Variants in SMARCD2 observed in about 807,000 individuals in gnomAD.
SMARCD2 encodes SWI/SNF related BAF chromatin remodeling complex subunit D2, also known as SWI/SNF-related matrix-associated actin-dependent regulator of chromatin subfamily D member 2.
Under a neutral mutation model 70.4 loss-of-function variants are expected in SMARCD2, and 39 were observed. The ratio of observed to expected loss-of-function variants is 0.55; its 90% CI spans 0.43 to 0.72. SMARCD2 has a LOEUF of 0.72. SMARCD2 is among the 30% of genes least tolerant of loss of function. SMARCD2 has a pLI of 0.00. For missense variants in SMARCD2, 540 were observed against 713.4 expected (o/e 0.76, Z 2.77); for synonymous variants, 249 against 279.4 (o/e 0.89, Z 1.08).
chr17:63,833,966 A>G lies in SMARCD2; in HGVS notation c.1124T>C (p.Met375Thr), dbSNP rs2040230773. ...CGRLRFSEIP[M>T]KLAGLLQHPD... ...ATGCTGCAGCAACCCTGCCAGCTTC[A>G]TGGGAATCTCGGAGAAACGGAGTCG... Residue 375 changes from methionine (M) to threonine (T), a missense_variant, in exon 9 of 13, where the codon ATG becomes ACG. Coordinates refer to ENST00000448276, the MANE Select transcript of SMARCD2 (RefSeq NM_001098426.2). This position sits in a 1 kb window ranked among gnomAD's most constrained non-coding sequence, Gnocchi z 4.3. 5 of 1,614,012 alleles carry G rather than the reference A, an allele frequency of 3.1e-6. No individual in the cohort carries two copies. Among genetic ancestry groups the G allele is most frequent in the Non-Finnish European group, 4.2e-6 (5 of 1,179,872 alleles).
chr17:63,839,895 G>A (rs924148092), intron 1 of SMARCD2, among the ~76,000 whole-genome samples: 4 of 152,154 alleles, frequency 2.6e-5, no homozygotes, highest in Admixed American at 2.0e-4. Flanking sequence ...TTGGGAGGCC[G>A]AGGCGGGTGG....
Position 63,833,851 on chromosome 17 carries a change from C to T in SMARCD2, c.1181+58G>A. ...CCTGATGCTTTCTTTGGCTTTAGTT[C>T]AAGCCAAGGGTGAATCTGCTCTTAG... On this transcript the variant is annotated intron_variant, in intron 9 of 12. Transcript: ENST00000448276. The surrounding 1 kb of genome is among the most constrained non-coding windows in gnomAD (Gnocchi z 4.3). 1.4e-5 allele frequency: 21 copies of T among 1,542,778 alleles called. No individual in the cohort carries two copies. In the South Asian group the frequency reaches 2.4e-4, roughly 17 times the overall value.
chr17:63,832,588 GCT>G lies in SMARCD2; in HGVS notation c.*348_*349del. 2.7e-6 allele frequency: 1 copy of G among 374,254 alleles called. No homozygotes were observed. Among genetic ancestry groups the G allele is most frequent in the Non-Finnish European group, 5.0e-6 (1 of 198,234 alleles). The allele number at this position is 374,254 out of a possible 1,614,324, so 23.2% of individuals were successfully genotyped here. A position where few individuals can be genotyped will look rare whatever the true frequency, so the allele number is the denominator to read the frequency against. On this transcript the variant is annotated 3_prime_UTR_variant, in exon 13 of 13. Coordinates refer to ENST00000448276, the MANE Select transcript of SMARCD2 (RefSeq NM_001098426.2). Reference sequence around the variant, plus strand: ...TTCCTAGCCCAGCTCCCCAGAGCCAGCTCTGACCCTCGCCCCAGGGGGAGTCT... The same window carrying G: ...TTCCTAGCCCAGCTCCCCAGAGCCAGCTGACCCTCGCCCCAGGGGGAGTCT...
rs902395036 is a variant in SMARCD2 at position 63,842,538 on chromosome 17, C to G, written c.137G>C (p.Gly46Ala). Residue 46 changes from glycine (G) to alanine (A), a missense_variant, in exon 1 of 13, where the codon GGT becomes GCT. Physicochemically the swap from Gly to Ala is moderately conservative, Grantham distance 60. Transcript: ENST00000448276. ...MLPGPALRGP[G>A]PAGGVGGPGA... ...GGGGCCCCCCACGCCTCCTGCCGGACCCGGTCCCCGGAGCGCCGGTCCGGG... is the reference window on the plus strand; with the variant it reads ...GGGGCCCCCCACGCCTCCTGCCGGAGCCGGTCCCCGGAGCGCCGGTCCGGG... 3 of 1,210,090 alleles carry G rather than the reference C, an allele frequency of 2.5e-6. No individual in the cohort carries two copies. Among genetic ancestry groups the G allele is most frequent in the African/African-American group, 3.2e-5 (2 of 63,296 alleles). The allele number at this position is 1,210,090 out of a possible 1,614,324, so 75.0% of individuals were successfully genotyped here. A position where few individuals can be genotyped will look rare whatever the true frequency, so the allele number is the denominator to read the frequency against.
At chr17:63,842,324 C>G in intron 1 of SMARCD2, 135 bp downstream of exon 1, 1 of 1,178,664 alleles carries the variant, frequency 8.5e-7, no homozygotes. Flanking sequence ...GCCCGAGGGT[C>G]CCGGCCCGCC....
rs1236234255 is a variant in SMARCD2 at position 63,837,055 on chromosome 17, G to A, written c.445-11C>T. On this transcript the variant is annotated splice_polypyrimidine_tract_variant and intron_variant, in intron 3 of 12. Coordinates refer to ENST00000448276, the MANE Select transcript of SMARCD2 (RefSeq NM_001098426.2). This position sits in a 1 kb window ranked among gnomAD's most constrained non-coding sequence, Gnocchi z 6.4. ...AACAAGCTCCCGGATCTGAAGGAAG[G>A]TAGCAGAAGCTCATCAGCTTGCTTC... 1 of 1,613,142 alleles carries A rather than the reference G, an allele frequency of 6.2e-7. No individual in the cohort carries two copies. Among genetic ancestry groups the A allele is most frequent in the South Asian group, 1.1e-5 (1 of 91,084 alleles).
intron 5 of SMARCD2, chr17:63,835,078 C>A (rs2040248157): frequency 1.9e-6 from 1 of 536,954 alleles, no homozygotes; most frequent in Non-Finnish European, 3.3e-6. Context: ...GGAGCAGCGC[C>A]CCCCTCCCTA....
chr17:63,837,202 G>A lies in SMARCD2; in HGVS notation c.437C>T (p.Pro146Leu). Residue 146 changes from proline to leucine, a missense_variant, in exon 3 of 13, where the codon CCT becomes CTT. Coordinates refer to ENST00000448276, the MANE Select transcript of SMARCD2 (RefSeq NM_001098426.2). This position sits in a 1 kb window ranked among gnomAD's most constrained non-coding sequence, Gnocchi z 6.4. ...TGTCCTCTTAACACTTACTCGCTGA[G>A]GTAGAACCTTATCTGCCATCTTCCT... ...KRRKMADKVLPQRIRELVPES... is the reference protein window; with the variant it reads ...KRRKMADKVLLQRIRELVPES... 6.2e-7 allele frequency: 1 copy of A among 1,613,778 alleles called. No individual in the cohort carries two copies. The highest frequency in any genetic ancestry group is 8.5e-7 in the Non-Finnish European group (1 of 1,179,812).
intron 1 of SMARCD2, chr17:63,838,534 T>C: frequency 1.6e-6 from 2 of 1,249,442 alleles, no homozygotes; most frequent in Non-Finnish European, 2.1e-6. Context: ...GAGGCAAGGA[T>C]AGAGGCCCAG....
chr17:63,835,472 G>A lies in SMARCD2; in HGVS notation c.663C>T (p.Thr221=). 1 of 1,613,928 alleles carries A rather than the reference G, an allele frequency of 6.2e-7. No individual in the cohort carries two copies. The stretch of plus-strand genomic sequence containing the variant: ...AGGAAGCCACCTTGTCCCCTGCTGG[G>A]GTTCCCCCAGGGGTCCCTGCAGTTC... ...SAGTAGTPGG[T]PAGDKVASWE... is the part of the protein sequence containing the mutation. Residue 221 remains threonine, a synonymous_variant, in exon 5 of 13, where the codon ACC becomes ACT. Coordinates refer to ENST00000448276, the MANE Select transcript of SMARCD2 (RefSeq NM_001098426.2).
chr17:63,836,318 G>A (rs887213210), intron 4 of SMARCD2, among the ~76,000 whole-genome samples: 4 of 151,880 alleles, frequency 2.6e-5, no homozygotes, highest in African/African-American at 7.3e-5. Flanking sequence ...AGACCAGCCT[G>A]GGTAACATGG....
rs958103899 is a variant in SMARCD2 at position 63,832,134 on chromosome 17, C to T, written c.*804G>A. On this transcript the variant is annotated 3_prime_UTR_variant, in exon 13 of 13. Transcript: ENST00000448276. Reference sequence around the variant, plus strand: ...TTCCAAACCTGCCAGATGTGGCACTCGCCAAGCCCTAGGCCCACCCTCCTC... The same window carrying T: ...TTCCAAACCTGCCAGATGTGGCACTTGCCAAGCCCTAGGCCCACCCTCCTC... 9.7e-6 allele frequency: 7 copies of T among 720,650 alleles called. No homozygotes were observed. Among genetic ancestry groups the T allele is most frequent in the Admixed American group, 2.4e-5 (1 of 42,400 alleles). 44.6% of individuals were successfully genotyped at this position (720,650 alleles called of 1,614,324 possible). A position where few individuals can be genotyped will look rare whatever the true frequency, so the allele number is the denominator to read the frequency against.
intron 5 of SMARCD2, chr17:63,835,023 G>A: frequency 1.7e-6 from 1 of 582,836 alleles, no homozygotes; most frequent in Non-Finnish European, 3.0e-6. Context: ...ACTGCCATCT[G>A]CAGGAACACT....
In SMARCD2 at chr17:63,837,230, T is replaced by C. The variant is rs1326405475; in HGVS notation, c.409A>G (p.Arg137Gly). Residue 137 changes from arginine to glycine, a missense_variant, in exon 3 of 13, where the codon AGG (arginine) becomes GGG (glycine). By Grantham distance (125) the Arg-to-Gly change is moderately radical (BLOSUM62 -2). Coordinates refer to ENST00000448276, the MANE Select transcript of SMARCD2 (RefSeq NM_001098426.2). This position sits in a 1 kb window ranked among gnomAD's most constrained non-coding sequence, Gnocchi z 6.4. ...PMPAQRRGLKRRKMADKVLPQ... is the reference protein window; with the variant it reads ...PMPAQRRGLKGRKMADKVLPQ... ...AGAACCTTATCTGCCATCTTCCTCC[T>C]CTTTAACCTGGGGAGGACAGAAACC... 1 of 1,613,714 alleles carries C rather than the reference T, an allele frequency of 6.2e-7. No homozygotes were observed. The highest frequency in any genetic ancestry group is 1.1e-5 in the South Asian group (1 of 91,072).
In SMARCD2 at chr17:63,834,150, G is replaced by A. The variant is rs755019180; in HGVS notation, c.1083+17C>T. ...CAAAGCAAGGGCTGAGAAAACGGGG[G>A]CTGGCATCTGGCTAACCTGGCGGAA... On this transcript the variant is annotated intron_variant, in intron 8 of 12. Transcript: ENST00000448276. This position sits in a 1 kb window ranked among gnomAD's most constrained non-coding sequence, Gnocchi z 5.6. 12 of 1,608,578 alleles carry A rather than the reference G, an allele frequency of 7.5e-6. No homozygotes were observed. The highest frequency in any genetic ancestry group is 2.2e-5 in the South Asian group (2 of 90,602).
At position 63,833,607 on chromosome 17, in the gene SMARCD2, TCTC is replaced by T; in HGVS notation, c.1294_1296del (p.Glu432del). 2 of 1,613,968 alleles carry T rather than the reference TCTC, an allele frequency of 1.2e-6. No homozygotes were observed. Among genetic ancestry groups the T allele is most frequent in the African/African-American group, 1.3e-5 (1 of 75,038 alleles). ...CCCACCTTGACATCAAGGGAGGCGATCTCCTGCTGATTGGTGGTAGAGGCCAGA... is the reference window on the plus strand; with the variant it reads ...CCCACCTTGACATCAAGGGAGGCGATCTGCTGATTGGTGGTAGAGGCCAGA... On this transcript the variant is annotated inframe_deletion, in exon 10 of 13. Transcript: ENST00000448276. The surrounding 1 kb of genome is among the most constrained non-coding windows in gnomAD (Gnocchi z 4.3).
intron 1 of SMARCD2, among the ~76,000 whole-genome samples, chr17:63,838,287 C>A (rs1367616245): frequency 6.6e-6 from 1 of 151,996 alleles, no homozygotes; most frequent in Non-Finnish European, 1.5e-5. Flanking sequence ...TATCACATAG[C>A]CCCCACCCAC....
intron 4 of SMARCD2, chr17:63,836,663 A>G (rs2040270125): frequency 5.3e-6 from 2 of 374,966 alleles, no homozygotes; most frequent in Non-Finnish European, 4.8e-6. Context: ...TCTATTTATC[A>G]GAAACAAAAA....
rs776905719 is a variant in SMARCD2 at position 63,834,804 on chromosome 17, G to C, written c.724-4C>G. The C allele has an allele frequency of 6.3e-7, 1 of 1,593,390 alleles. No homozygotes were observed. The highest frequency in any genetic ancestry group is 1.1e-5 in the South Asian group (1 of 90,702). ...ACTTCCTCTTCTGTTTGCTAGGCTG[G>C]GGATGGAAAGGGGTGTGAGATGGTG... On this transcript the variant is annotated splice_polypyrimidine_tract_variant and splice_region_variant and intron_variant, in intron 5 of 12. Transcript: ENST00000448276. This position sits in a 1 kb window ranked among gnomAD's most constrained non-coding sequence, Gnocchi z 5.6.
Sources: gnomAD v4.1 joint callset for allele counts (sites outside exome capture counted in the v4.1 genomes callset) on GRCh38, gnomAD v4.1.1 for gene constraint, Gnocchi (gnomAD v3.1) non-coding constraint, MANE v1.5 for transcripts, NCBI Gene and HGNC (gene_info 2026-07-23, HGNC 2026-07-21) for gene names.